Variants in MRPS25 observed in about 807,000 individuals in gnomAD.
The protein encoded by MRPS25 is small ribosomal subunit protein mS25.
Under a neutral mutation model 17.3 loss-of-function variants are expected in MRPS25, and 15 were observed. The ratio of observed to expected loss-of-function variants is 0.87; its 90% confidence interval spans 0.58 to 1.34. MRPS25 has a LOEUF of 1.34. MRPS25 is among the 40% of genes most tolerant of loss of function. The pLI, the probability that MRPS25 is intolerant of heterozygous loss-of-function variation, is 0.00. For missense variants in MRPS25, 225 were observed against 218.6 expected (o/e 1.03, Z -0.19); for synonymous variants, 94 against 83.3 (o/e 1.13, Z -0.70).
intron 1 of MRPS25, among the ~76,000 whole-genome samples, chr3:15,061,592 T>G (rs1384747486): frequency 6.6e-6 from 1 of 152,194 alleles, no homozygotes; most frequent in Non-Finnish European, 1.5e-5. Context: ...GCCGCCTGCC[T>G]TGGCCTCCCA....
chr3:15,060,883 A>AAAAT (rs71045131), intron 1 of MRPS25, among the ~76,000 whole-genome samples: 38,720 of 151,230 alleles, frequency 0.26, 5,242 homozygotes, highest in Middle Eastern at 0.34. Flanking sequence ...TCCATCTCAA[A>AAAAT]AAATAAATAA....
Position 15,049,128 on chromosome 3 carries a change from A to C in MRPS25, c.*3313T>G, listed in dbSNP as rs2042558544. The C allele has an allele frequency of 6.6e-6, 1 of 152,598 alleles. No homozygotes were observed. The highest frequency in any genetic ancestry group is 1.5e-5 in the Non-Finnish European group (1 of 68,028). 9.5% of individuals were successfully genotyped at this position (152,598 alleles called of 1,614,324 possible). A position where few individuals can be genotyped will look rare whatever the true frequency, so the allele number is the denominator to read the frequency against. ...TCTTCAGTCTTGAAGAAGAATTTGC[A>C]TTGTTGTGTTTGTATATAGAGTATT... is the stretch of plus-strand genomic sequence containing the variant. On this transcript the variant is annotated 3_prime_UTR_variant, in exon 4 of 4. Transcript: ENST00000253686.
downstream of MRPS25, chr3:15,043,071 AAGT>A: frequency 6.8e-7 from 1 of 1,477,238 alleles, no homozygotes; most frequent in Non-Finnish European, 9.1e-7. Context: ...ATACAAAGAA[AAGT>A]AGTGGTATTT....
chr3:15,051,190 A>C lies in MRPS25; in HGVS notation c.*1251T>G, dbSNP rs1021298554. 1.0e-6 allele frequency: 1 copy of C among 983,984 alleles called. No homozygotes were observed. Among genetic ancestry groups the C allele is most frequent in the African/African-American group, 1.7e-5 (1 of 57,290 alleles). 61.0% of individuals were successfully genotyped at this position (983,984 alleles called of 1,614,324 possible). Reference sequence around the variant, plus strand: ...CACTTTATAATTAAACTTATTTAAAAAATTTTTTTTCTTGAGACAGTCTTG... The same window carrying C: ...CACTTTATAATTAAACTTATTTAAACAATTTTTTTTCTTGAGACAGTCTTG... On this transcript the variant is annotated 3_prime_UTR_variant, in exon 4 of 4. Transcript: ENST00000253686.
In MRPS25 at chr3:15,050,735, C is replaced by A. The variant is rs1022713411; in HGVS notation, c.*1706G>T. 115 of 985,442 alleles carry A rather than the reference C, an allele frequency of 1.2e-4. No individual in the cohort carries two copies. In the African/African-American group the frequency reaches 2.0e-3, roughly 17 times the overall value. The allele number at this position is 985,442 out of a possible 1,614,324, so 61.0% of individuals were successfully genotyped here. On this transcript the variant is annotated 3_prime_UTR_variant, in exon 4 of 4. Transcript: ENST00000253686. ...TTGTAAGTCTGTCACTCAAGGAACACCTGTCCATTATACATCAGTCTCTGC... is the reference window on the plus strand; with the variant it reads ...TTGTAAGTCTGTCACTCAAGGAACAACTGTCCATTATACATCAGTCTCTGC...
intron 2 of MRPS25, 98 bp from the exon 3 acceptor site, chr3:15,053,565 A>G (rs1440235576): frequency 7.9e-7 from 1 of 1,263,730 alleles, no homozygotes; most frequent in South Asian, 1.2e-5. Context: ...TGGCAGAAAC[A>G]TTTTAATAAT....
chr3:15,060,761 G>C (rs2125136934), intron 1 of MRPS25, among the ~76,000 whole-genome samples: 1 of 152,192 alleles, frequency 6.6e-6, no homozygotes, highest in East Asian at 1.9e-4. Flanking sequence ...GGCACTTGTA[G>C]TCCCAGCTAC....
intron 1 of MRPS25, among the ~76,000 whole-genome samples, chr3:15,062,456 C>A (rs1422037550): frequency 7.3e-6 from 1 of 137,178 alleles, no homozygotes; most frequent in Non-Finnish European, 1.6e-5. Flanking sequence ...GGGGGGTCAG[C>A]CCCCTGCCCG....
At chr3:15,056,441 G>A (rs2042674804) in intron 2 of MRPS25, among the ~76,000 whole-genome samples, 1 of 152,340 alleles carries the variant, frequency 6.6e-6, no homozygotes, top group South Asian at 2.1e-4. Context: ...CTCTGCAGAT[G>A]TGATTCGAGT....
chr3:15,051,207 A>C lies in MRPS25; in HGVS notation c.*1234T>G, dbSNP rs1180692071. The C allele has an allele frequency of 2.3e-5, 23 of 979,690 alleles. No homozygotes were observed. Among genetic ancestry groups the C allele is most frequent in the Non-Finnish European group, 2.8e-5 (23 of 824,940 alleles). The allele number at this position is 979,690 out of a possible 1,614,324, so 60.7% of individuals were successfully genotyped here. A position where few individuals can be genotyped will look rare whatever the true frequency, so the allele number is the denominator to read the frequency against. On this transcript the variant is annotated 3_prime_UTR_variant, in exon 4 of 4. Coordinates refer to ENST00000253686, the MANE Select transcript of MRPS25 (RefSeq NM_022497.5). ...TATTTAAAAAATTTTTTTTCTTGAGACAGTCTTGCTCTGTGGCCCAGGCTG... is the reference window on the plus strand; with the variant it reads ...TATTTAAAAAATTTTTTTTCTTGAGCCAGTCTTGCTCTGTGGCCCAGGCTG...
chr3:15,059,549 G>T, intron 1 of MRPS25, 74 bp from the exon 2 acceptor site: 2 of 985,140 alleles, frequency 2.0e-6, no homozygotes, highest in Non-Finnish European at 3.1e-6. Context: ...TATTTTTCTA[G>T]GGAGAAAGCC....
intron 1 of MRPS25, 147 bp from the exon 2 acceptor site, chr3:15,059,622 C>A (rs1430877271): frequency 1.6e-6 from 1 of 636,518 alleles, no homozygotes; most frequent in Non-Finnish European, 2.8e-6. Context: ...CAGGGATCCT[C>A]TTAGAAGATT....
In MRPS25 at chr3:15,049,208, T is replaced by C. The variant is rs1035372128; in HGVS notation, c.*3233A>G. 10 of 152,794 alleles carry C rather than the reference T, an allele frequency of 6.5e-5. No homozygotes were observed. In the East Asian group the frequency reaches 7.7e-4, roughly 12 times the overall value. 9.5% of individuals were successfully genotyped at this position (152,794 alleles called of 1,614,324 possible). The stretch of plus-strand genomic sequence containing the variant: ...ATTAAATGCTGTTTCAATGTGGCAT[T>C]ATTGTTGTGGCTTAATACTACTACC... On this transcript the variant is annotated 3_prime_UTR_variant, in exon 4 of 4. Transcript: ENST00000253686.
At chr3:15,043,303 T>C (rs1480433105), downstream of MRPS25, 3 of 215,354 alleles carry the variant, frequency 1.4e-5, no homozygotes, top group African/African-American at 6.9e-5. Context: ...AAAGGTTTTA[T>C]AATGTCAGAG....
In MRPS25 at chr3:15,049,921, G is replaced by A. The variant is rs1575064799; in HGVS notation, c.*2520C>T. The A allele has an allele frequency of 1.3e-6, 2 of 1,532,234 alleles. No homozygotes were observed. Among genetic ancestry groups the A allele is most frequent in the East Asian group, 4.9e-5 (2 of 40,658 alleles). 94.9% of individuals were successfully genotyped at this position (1,532,234 alleles called of 1,614,324 possible). A position where few individuals can be genotyped will look rare whatever the true frequency, so the allele number is the denominator to read the frequency against. ...AGCAGATGATACAGGTTTAGATGGT[G>A]CTGCCAGGTAGTGCCTCAAAGAGAA... is the stretch of plus-strand genomic sequence containing the variant. On this transcript the variant is annotated 3_prime_UTR_variant, in exon 4 of 4. Coordinates refer to ENST00000253686, the MANE Select transcript of MRPS25 (RefSeq NM_022497.5).
At chr3:15,064,953 C>T in intron 1 of MRPS25, 108 bp downstream of exon 1, 1 of 1,408,516 alleles carries the variant, frequency 7.1e-7, no homozygotes, top group Non-Finnish European at 9.5e-7. Context: ...CTGGGGGGCC[C>T]GCCCCGGGGA....
intron 1 of MRPS25, among the ~76,000 whole-genome samples, chr3:15,064,328 A>G (rs2042824447): frequency 6.6e-6 from 1 of 152,164 alleles, no homozygotes; most frequent in Admixed American, 6.5e-5. Flanking sequence ...GCCAACTGCC[A>G]TTCAATGAGT....
intron 1 of MRPS25, among the ~76,000 whole-genome samples, chr3:15,063,795 C>A (rs1461980448): frequency 6.6e-6 from 1 of 151,940 alleles, no homozygotes; most frequent in Non-Finnish European, 1.5e-5. Flanking sequence ...CTGGATAGGG[C>A]ATGTGCTCTC....
At chr3:15,055,721 T>C (rs1289529249) in intron 2 of MRPS25, among the ~76,000 whole-genome samples, 1 of 151,476 alleles carries the variant, frequency 6.6e-6, no homozygotes, top group Admixed American at 6.6e-5. Context: ...TGAGACTCCG[T>C]CTTTTAAAAA....
Sources: allele counts gnomAD v4.1 joint callset (sites outside exome capture counted in the v4.1 genomes callset), GRCh38; gene constraint gnomAD v4.1.1; transcripts MANE v1.5; gene names NCBI Gene and HGNC (gene_info 2026-07-23, HGNC 2026-07-21).